The following JAKMIP2 variants were observed in gnomAD, a reference collection of about 807,000 sequenced individuals.
JAKMIP2 encodes janus kinase and microtubule-interacting protein 2.
A neutral mutation model predicts 115.0 loss-of-function variants in JAKMIP2; 25 were observed. That is an observed-to-expected ratio of 0.22 (90% confidence interval 0.16 to 0.30). JAKMIP2 has a LOEUF of 0.30. Among genes scored for constraint, JAKMIP2 ranks in the 10% least tolerant of loss-of-function variants. The probability of loss-of-function intolerance (pLI) is 1.00; values close to 1 mark genes in which losing one functional copy is unlikely to be tolerated. For missense variants in JAKMIP2, 642 were observed against 957.6 expected (o/e 0.67, Z 4.35); for synonymous variants, 334 against 343.6 (o/e 0.97, Z 0.31).
intron 1 of JAKMIP2, among the ~76,000 whole-genome samples, chr5:147,687,519 C>T (rs192147419): frequency 6.6e-6 from 1 of 152,162 alleles, no homozygotes; most frequent in African/African-American, 2.4e-5. Context: ...GCCCTGTGGT[C>T]CTGGCAATAA....
intron 2 of JAKMIP2, chr5:147,661,666 A>T (rs1758984238): frequency 1.9e-6 from 1 of 519,776 alleles, no homozygotes; most frequent in East Asian, 3.3e-5. Context: ...TGTTCAGATG[A>T]ATATTTGATG....
intron 16 of JAKMIP2, among the ~76,000 whole-genome samples, chr5:147,627,527 G>A (rs1445917334): frequency 3.9e-5 from 6 of 151,914 alleles, no homozygotes; most frequent in South Asian, 4.2e-4. Context: ...GAGATAATGA[G>A]GCATTTGCTG....
At chr5:147,712,198 A>G (rs968601941) in intron 1 of JAKMIP2, among the ~76,000 whole-genome samples, 13 of 152,204 alleles carry the variant, frequency 8.5e-5, no homozygotes, top group African/African-American at 2.6e-4. Flanking sequence ...TCTACAACCC[A>G]CAATCACTCA....
intron 17 of JAKMIP2, among the ~76,000 whole-genome samples, chr5:147,621,604 T>TA (rs1756850525): frequency 6.6e-6 from 1 of 152,232 alleles, no homozygotes; most frequent in Non-Finnish European, 1.5e-5. Context: ...CTTTCAAGGG[T>TA]AATTTTGAAG....
At chr5:147,686,336 G>A (rs958530670) in intron 1 of JAKMIP2, among the ~76,000 whole-genome samples, 1 of 141,080 alleles carries the variant, frequency 7.1e-6, no homozygotes, top group Admixed American at 6.7e-5. Context: ...CAGTGTTGGT[G>A]GGGGGGCACT....
At chr5:147,664,561 TG>T (rs1221782290) in intron 2 of JAKMIP2, among the ~76,000 whole-genome samples, 1 of 152,210 alleles carries the variant, frequency 6.6e-6, no homozygotes, top group African/African-American at 2.4e-5. Context: ...CCTCATGGCC[TG>T]GCTAGAGGTC....
intron 1 of JAKMIP2, among the ~76,000 whole-genome samples, chr5:147,765,247 A>C (rs893336137): frequency 6.6e-6 from 1 of 152,098 alleles, no homozygotes; most frequent in Non-Finnish European, 1.5e-5. Context: ...ATATAAACCA[A>C]TTGGTCACAC....
In JAKMIP2 at chr5:147,738,110, T is replaced by C. The variant is rs536545318; in HGVS notation, c.-149+44346A>G. 1.2e-4 allele frequency among the ~76,000 whole-genome samples: 18 copies of C among 152,330 alleles called. No homozygotes were observed. In the South Asian group the frequency reaches 3.7e-3, roughly 32 times the overall value. ...GTATGAGCCATAAAAAGGGTTTTTA[T>C]TTACTTTTCCAGAAATCTTGTGTAC... is the stretch of plus-strand genomic sequence containing the variant. On this transcript the variant is annotated intron_variant, in intron 1 of 21. Coordinates refer to ENST00000616793, the MANE Select transcript of JAKMIP2 (RefSeq NM_001270941.2).
intron 1 of JAKMIP2, among the ~76,000 whole-genome samples, chr5:147,775,416 TAATTA>T (rs1365711943): frequency 6.6e-6 from 1 of 152,212 alleles, no homozygotes; most frequent in African/African-American, 2.4e-5. Flanking sequence ...CTGCTTATAA[TAATTA>T]AATTACTAAC....
chr5:147,651,119 T>C (rs1758375991), intron 3 of JAKMIP2, among the ~76,000 whole-genome samples: 1 of 152,158 alleles, frequency 6.6e-6, no homozygotes, highest in Non-Finnish European at 1.5e-5. Flanking sequence ...TTATATCTCT[T>C]TCTGTTCTCA....
intron 1 of JAKMIP2, among the ~76,000 whole-genome samples, chr5:147,680,655 G>T (rs1403688029): frequency 1.3e-5 from 2 of 152,160 alleles, no homozygotes; most frequent in African/African-American, 4.8e-5. Flanking sequence ...AATGAATGAA[G>T]TAAACTTGCA....
At chr5:147,694,280 T>C (rs915554441) in intron 1 of JAKMIP2, among the ~76,000 whole-genome samples, 5 of 152,184 alleles carry the variant, frequency 3.3e-5, no homozygotes, top group African/African-American at 1.2e-4. Flanking sequence ...AAGTTGATTT[T>C]CCAGGGAGAT....
In JAKMIP2 at chr5:147,715,972, C is replaced by G. The variant is rs561724041; in HGVS notation, c.-148-44018G>C. Among the ~76,000 whole-genome samples the G allele has an allele frequency of 8.0e-5, 11 of 137,786 alleles. No individual in the cohort carries two copies. The South Asian group carries it at 2.6e-3, about 33-fold the overall frequency. 90.4% of individuals were successfully genotyped at this position (137,786 alleles called of 152,430 possible). On this transcript the variant is annotated intron_variant, in intron 1 of 21. Coordinates refer to ENST00000616793, the MANE Select transcript of JAKMIP2 (RefSeq NM_001270941.2). ...ACTCGTCATCTAGCATTAGGTATAT[C>G]TCCCAATGCTATCCCTCCCCCCTCC... is the stretch of plus-strand genomic sequence containing the variant.
At chr5:147,629,553 T>C (rs1046615200) in intron 15 of JAKMIP2, 140 bp downstream of exon 15, 2 of 587,228 alleles carry the variant, frequency 3.4e-6, no homozygotes, top group Non-Finnish European at 5.9e-6. Flanking sequence ...TTTGATAAAT[T>C]GTATATTCTT....
chr5:147,629,498 C>A (rs1309302855), intron 15 of JAKMIP2, among the ~76,000 whole-genome samples, 195 bp downstream of exon 15: 2 of 152,162 alleles, frequency 1.3e-5, no homozygotes, highest in Non-Finnish European at 1.5e-5. Context: ...GGTCTCATTT[C>A]TGCTACTACC....
intron 1 of JAKMIP2, among the ~76,000 whole-genome samples, chr5:147,721,688 A>G (rs984360243): frequency 1.2e-4 from 19 of 152,094 alleles, no homozygotes; most frequent in Admixed American, 7.8e-4. Context: ...AAGTGAGGCA[A>G]TGCCTCTCCC....
In JAKMIP2 at chr5:147,716,261, TG is replaced by T. The variant is rs1476712377; in HGVS notation, c.-148-44308del. On this transcript the variant is annotated intron_variant, in intron 1 of 21. Transcript: ENST00000616793. ...GTCTATCATTGTTGGACATTTGGGT[TG>T]GTTCCAAGTCTTTGCTATTGTGAAT... Among the ~76,000 whole-genome samples the T allele has an allele frequency of 9.9e-4, 115 of 115,936 alleles. 1 individual carries two copies. Among genetic ancestry groups the T allele is most frequent in the African/African-American group, 4.0e-3 (112 of 28,022 alleles). 76.1% of individuals were successfully genotyped at this position (115,936 alleles called of 152,430 possible). A position where few individuals can be genotyped will look rare whatever the true frequency, so the allele number is the denominator to read the frequency against.
intron 1 of JAKMIP2, among the ~76,000 whole-genome samples, chr5:147,697,912 C>T (rs1297953418): frequency 1.3e-5 from 2 of 152,198 alleles, no homozygotes; most frequent in African/African-American, 4.8e-5. Context: ...ACCACTGGGG[C>T]ACTGCCTAGT....
At chr5:147,746,427 T>C (rs1754348510) in intron 1 of JAKMIP2, among the ~76,000 whole-genome samples, 4 of 152,140 alleles carry the variant, frequency 2.6e-5, no homozygotes, top group Admixed American at 2.6e-4. Context: ...TCTGGGACTT[T>C]AGGTTCCCTT....
Sources: gnomAD v4.1 joint callset for allele counts (sites outside exome capture counted in the v4.1 genomes callset) on GRCh38, gnomAD v4.1.1 for gene constraint, MANE v1.5 for transcripts, NCBI Gene and HGNC (gene_info 2026-07-23, HGNC 2026-07-21) for gene names.